Variants in EYS observed in about 807,000 individuals in gnomAD.
The protein encoded by EYS is protein eyes shut homolog.
A neutral mutation model predicts 282.1 loss-of-function variants in EYS; 250 were observed. The observed-to-expected ratio is 0.89, with a 90% CI of 0.80 to 0.98. The LOEUF (loss-of-function observed/expected upper bound fraction) is 0.98, where lower values mean the gene tolerates loss of function less well. Among genes scored for constraint, EYS ranks in the 50% least tolerant of loss-of-function variants. The pLI, the probability that EYS is intolerant of heterozygous loss-of-function variation, is 0.00. For synonymous variants in EYS, 1,355 were observed against 1,282.9 expected (o/e 1.06, Z -1.20); for missense variants, 4,016 against 3,709.0 (o/e 1.08, Z -2.15).
At chr6:65,362,163 A>G (rs1461041819) in intron 8 of EYS, among the ~76,000 whole-genome samples, 1 of 152,126 alleles carries the variant, frequency 6.6e-6, no homozygotes, top group East Asian at 1.9e-4. Context: ...TCATTTTAAG[A>G]CATGATAATC....
At chr6:64,972,517 C>T (rs1479099709) in intron 14 of EYS, among the ~76,000 whole-genome samples, 1 of 152,040 alleles carries the variant, frequency 6.6e-6, no homozygotes, top group East Asian at 1.9e-4. Flanking sequence ...CCAATCCCTC[C>T]TCTTCCTCAC....
intron 12 of EYS, among the ~76,000 whole-genome samples, chr6:65,250,735 T>G (rs1767298640): frequency 6.6e-6 from 1 of 151,722 alleles, no homozygotes; most frequent in Admixed American, 6.6e-5. Context: ...TATAAACCCA[T>G]GTATATTATC....
chr6:65,010,132 G>T (rs910710334), intron 13 of EYS, among the ~76,000 whole-genome samples: 19 of 152,152 alleles, frequency 1.2e-4, no homozygotes, highest in African/African-American at 4.3e-4. Context: ...TCACAGAAAA[G>T]AACAGGAATA....
At chr6:63,887,314 G>GTTTTTTT (rs35622877) in intron 35 of EYS, among the ~76,000 whole-genome samples, 9 of 120,228 alleles carry the variant, frequency 7.5e-5, no homozygotes, top group Non-Finnish European at 8.4e-5. Context: ...AATAAAAGGT[G>GTTTTTTT]TTTTTTTTTT....
chr6:65,173,938 G>A (rs936296443), intron 12 of EYS, among the ~76,000 whole-genome samples: 2 of 151,112 alleles, frequency 1.3e-5, no homozygotes, highest in African/African-American at 4.8e-5. Context: ...ATAGCCTTAA[G>A]TGTATGCTTG....
intron 22 of EYS, among the ~76,000 whole-genome samples, chr6:64,744,394 T>C (rs1240717846): frequency 6.6e-6 from 1 of 152,154 alleles, no homozygotes. Context: ...GGAGGCTGTA[T>C]TCAAGAGACC....
In EYS at chr6:64,023,793, G is replaced by C. The variant is rs530026813; in HGVS notation, c.6726-24610C>G. On this transcript the variant is annotated intron_variant, in intron 33 of 42. Transcript: ENST00000503581. Reference sequence around the variant, plus strand: ...GGTGTGGAGGGACAGGCGCGGGTGGGAACTGGGGCTGTGCCGCGGTGTTTG... The same window carrying C: ...GGTGTGGAGGGACAGGCGCGGGTGGCAACTGGGGCTGTGCCGCGGTGTTTG... Among the ~76,000 whole-genome samples the C allele has an allele frequency of 2.0e-5, 3 of 152,350 alleles. No individual in the cohort carries two copies. The East Asian group carries it at 5.8e-4, about 29-fold the overall frequency.
intron 19 of EYS, among the ~76,000 whole-genome samples, chr6:64,869,351 T>A (rs990713522): frequency 1.3e-5 from 2 of 151,610 alleles, no homozygotes; most frequent in Non-Finnish European, 3.0e-5. Flanking sequence ...ATCTCTTTTA[T>A]ATCTGGACCA....
intron 16 of EYS, among the ~76,000 whole-genome samples, chr6:64,909,385 T>C (rs1767925074): frequency 6.6e-6 from 1 of 152,172 alleles, no homozygotes. Context: ...TATTGAGGTG[T>C]CAAAAATAAA....
chr6:64,444,830 A>G (rs1323048016), intron 26 of EYS, among the ~76,000 whole-genome samples: 1 of 152,208 alleles, frequency 6.6e-6, no homozygotes, highest in Non-Finnish European at 1.5e-5. Context: ...TTCACATGAT[A>G]TATGGCTGTT....
At chr6:64,216,430 G>A (rs552481484) in intron 31 of EYS, among the ~76,000 whole-genome samples, 1 of 152,274 alleles carries the variant, frequency 6.6e-6, no homozygotes, top group African/African-American at 2.4e-5. Context: ...GTGCCTAAGA[G>A]AAGCCCATGG....
intron 35 of EYS, among the ~76,000 whole-genome samples, chr6:63,865,714 C>A (rs1361366019): frequency 6.6e-6 from 1 of 152,134 alleles, no homozygotes; most frequent in African/African-American, 2.4e-5. Context: ...TTCCTCATGT[C>A]TTTGAATCCC....
chr6:64,709,717 G>A (rs6941405), intron 22 of EYS, among the ~76,000 whole-genome samples: 9,150 of 152,208 alleles, frequency 0.06, 676 homozygotes, highest in African/African-American at 0.17. Context: ...ATGAAAATTC[G>A]TCCTAGAGGA....
intron 8 of EYS, among the ~76,000 whole-genome samples, chr6:65,377,662 AAC>A (rs1765426545): frequency 6.6e-6 from 1 of 152,128 alleles, no homozygotes; most frequent in South Asian, 2.1e-4. Context: ...AGAAAAATCA[AAC>A]AGACACAATA....
chr6:65,495,935 AT>A lies in EYS; in HGVS notation c.-275del, dbSNP rs1766240760. ...CAGCACAGCCAAGATTCTTTTACAG[AT>A]GGTTTCAATTTTCTTGGGAGATAAG... On this transcript the variant is annotated 5_prime_UTR_variant, in exon 3 of 43. Coordinates refer to ENST00000503581, the MANE Select transcript of EYS (RefSeq NM_001142800.2). 6.5e-6 allele frequency: 1 copy of A among 154,960 alleles called. No homozygotes were observed. The highest frequency in any genetic ancestry group is 1.4e-5 in the Non-Finnish European group (1 of 69,840). 9.6% of individuals were successfully genotyped at this position (154,960 alleles called of 1,614,324 possible).
At chr6:64,474,664 CTGTT>C (rs1486003067) in intron 26 of EYS, among the ~76,000 whole-genome samples, 2 of 152,160 alleles carry the variant, frequency 1.3e-5, no homozygotes, top group African/African-American at 2.4e-5. Flanking sequence ...GTACAGTAGA[CTGTT>C]TCACAAACCT....
intron 11 of EYS, among the ~76,000 whole-genome samples, chr6:65,308,254 GGCGTGA>G (rs1224597623): frequency 1.8e-5 from 1 of 55,802 alleles, no homozygotes. Flanking sequence ...TAGAATTACA[GGCGTGA>G]GCCACTGCCT....
At chr6:63,857,146 A>C (rs543029594) in intron 36 of EYS, among the ~76,000 whole-genome samples, 1 of 152,296 alleles carries the variant, frequency 6.6e-6, no homozygotes, top group East Asian at 1.9e-4. Flanking sequence ...CCATCTTAGC[A>C]TGTATCTTTA....
At chr6:65,422,230 T>A (rs374082120) in intron 5 of EYS, among the ~76,000 whole-genome samples, 2 of 151,890 alleles carry the variant, frequency 1.3e-5, no homozygotes, top group African/African-American at 4.8e-5. Flanking sequence ...CTATACTGAG[T>A]AGCACATTTT....
Sources: gnomAD v4.1 joint callset for allele counts (sites outside exome capture counted in the v4.1 genomes callset) on GRCh38, gnomAD v4.1.1 for gene constraint, MANE v1.5 for transcripts, NCBI Gene and HGNC (gene_info 2026-07-23, HGNC 2026-07-21) for gene names.